The following TENM3 variants were observed in gnomAD, a reference collection of about 807,000 sequenced individuals.
TENM3 encodes teneurin transmembrane protein 3, also known as teneurin-3.
Under a neutral mutation model 255.1 loss-of-function variants are expected in TENM3, and 63 were observed. The ratio of observed to expected loss-of-function variants is 0.25; its 90% CI spans 0.20 to 0.30. TENM3 has a LOEUF of 0.30. TENM3 is among the 10% of genes least tolerant of loss of function. The probability of loss-of-function intolerance (pLI) is 1.00; values close to 1 mark genes in which losing one functional copy is unlikely to be tolerated. For synonymous variants in TENM3, 1,306 were observed against 1,322.3 expected, an observed-to-expected ratio of 0.99 and a Z score of 0.27; for missense variants, 2,929 against 3,461.1, an observed-to-expected ratio of 0.85 and a Z score of 3.86.
At chr4:182,622,982 T>C (rs1750437454) in intron 4 of TENM3, among the ~76,000 whole-genome samples, 1 of 151,812 alleles carries the variant, frequency 6.6e-6, no homozygotes, top group South Asian at 2.1e-4. Flanking sequence ...TGTTTATGTT[T>C]TTTATTTTTA....
At chr4:181,953,997 A>G in the TENM3 span, among the ~76,000 whole-genome samples, 3 of 152,200 alleles carry the variant, frequency 2.0e-5, no homozygotes, top group African/African-American at 7.2e-5. Flanking sequence ...ACTGGAAGGC[A>G]CAACTAGCGG....
rs368668174 is a variant in TENM3 at position 182,793,560 on chromosome 4, G to A, written c.6888G>A (p.Ser2296=). 195 of 1,613,708 alleles carry A rather than the reference G, an allele frequency of 1.2e-4. No homozygotes were observed. Among genetic ancestry groups the A allele is most frequent in the South Asian group, 4.5e-4 (41 of 91,070 alleles). The change falls in exon 26 of 28, where the codon TCG becomes TCA. Residue 2296 remains serine (S), a synonymous_variant. Transcript: ENST00000511685. The surrounding 1 kb of genome is among the most constrained non-coding windows in gnomAD (Gnocchi z 5.7). ...ISSGDEFYIA[S]DNTGTPLAVF... Reference sequence around the variant, plus strand: ...GTGGGGATGAATTCTATATTGCATCGGATAACACAGGGACACCACTGGCTG... The same window carrying A: ...GTGGGGATGAATTCTATATTGCATCAGATAACACAGGGACACCACTGGCTG...
At chr4:181,889,398 C>T in the TENM3 span, among the ~76,000 whole-genome samples, 1 of 152,158 alleles carries the variant, frequency 6.6e-6, no homozygotes, top group Non-Finnish European at 1.5e-5. Context: ...CAGATGCTGG[C>T]ACCACCCTGC....
At chr4:182,735,179 CT>C (rs1761068125) in intron 16 of TENM3, among the ~76,000 whole-genome samples, 1 of 152,144 alleles carries the variant, frequency 6.6e-6, no homozygotes, top group Admixed American at 6.5e-5. Flanking sequence ...TGTTTGTAAA[CT>C]ATTTTGCTTA....
intron 3 of TENM3, among the ~76,000 whole-genome samples, chr4:182,555,519 G>C (rs1427794190): frequency 6.6e-6 from 1 of 152,082 alleles, no homozygotes; most frequent in Admixed American, 6.6e-5. Context: ...GGGACCTAAA[G>C]TACATTTAAA....
intron 24 of TENM3, among the ~76,000 whole-genome samples, chr4:182,786,588 C>G (rs975812109): frequency 1.3e-5 from 2 of 151,582 alleles, no homozygotes; most frequent in African/African-American, 4.9e-5. Flanking sequence ...ATCAGATGCC[C>G]GAGCAGCATG....
At chr4:182,609,869 G>C (rs1748822162) in intron 4 of TENM3, among the ~76,000 whole-genome samples, 1 of 152,088 alleles carries the variant, frequency 6.6e-6, no homozygotes, top group African/African-American at 2.4e-5. Context: ...CAGTTTCTTT[G>C]CTTTTTATTC....
the TENM3 span, among the ~76,000 whole-genome samples, chr4:181,770,335 T>A: frequency 2.6e-5 from 4 of 152,220 alleles, no homozygotes; most frequent in South Asian, 8.3e-4. Context: ...ATGCAATTTA[T>A]TGTGGTAAGG....
At chr4:182,288,136 G>A (rs1332936903) in intron 1 of TENM3, among the ~76,000 whole-genome samples, 1 of 150,976 alleles carries the variant, frequency 6.6e-6, no homozygotes, top group Non-Finnish European at 1.5e-5. Context: ...AGATTTCTCC[G>A]TGTTGGTCAG....
In TENM3 at chr4:182,597,481, G is replaced by C. The variant is rs145169691; in HGVS notation, c.512-3443G>C. 4.4e-3 allele frequency among the ~76,000 whole-genome samples: 672 copies of C among 152,252 alleles called. 5 individuals are homozygous for C. Among genetic ancestry groups the C allele is most frequent in the African/African-American group, 0.016 (653 of 41,536 alleles). On this transcript the variant is annotated intron_variant, in intron 3 of 27. Coordinates refer to ENST00000511685, the MANE Select transcript of TENM3 (RefSeq NM_001080477.4). ...AGTAACAGAAATAAAATGAAAAATA[G>C]TAATGTTTTTCATAAGCAACCTTTC...
At chr4:182,420,267 CTTAAT>C (rs1035863570) in intron 3 of TENM3, among the ~76,000 whole-genome samples, 12 of 152,170 alleles carry the variant, frequency 7.9e-5, no homozygotes, top group African/African-American at 2.9e-4. Flanking sequence ...GAAAATTTGA[CTTAAT>C]TTAACACATT....
At chr4:182,584,267 C>T (rs1347420207) in intron 3 of TENM3, among the ~76,000 whole-genome samples, 2 of 152,188 alleles carry the variant, frequency 1.3e-5, no homozygotes, top group Admixed American at 1.3e-4. Flanking sequence ...AAACATCTTG[C>T]TGATGGGAAC....
intron 3 of TENM3, among the ~76,000 whole-genome samples, chr4:182,486,195 G>A (rs1734688553): frequency 6.6e-6 from 1 of 151,922 alleles, no homozygotes; most frequent in Non-Finnish European, 1.5e-5. Flanking sequence ...AAAGCCACTG[G>A]AAGATTTTTA....
At chr4:181,768,437 G>T in the TENM3 span, among the ~76,000 whole-genome samples, 5 of 152,130 alleles carry the variant, frequency 3.3e-5, no homozygotes, top group Non-Finnish European at 7.3e-5. Flanking sequence ...AAGCAATTCC[G>T]TCTAAAACAT....
the TENM3 span, among the ~76,000 whole-genome samples, chr4:181,533,991 G>C: frequency 6.6e-6 from 1 of 152,196 alleles, no homozygotes; most frequent in Admixed American, 6.5e-5. Flanking sequence ...AGTGAATCTA[G>C]TGAATACTCC....
chr4:182,615,042 A>AAAATAC (rs1403989160), intron 4 of TENM3, among the ~76,000 whole-genome samples: 7,198 of 57,192 alleles, frequency 0.13, 248 homozygotes, highest in Admixed American at 0.24. Context: ...AAAAAAAAAA[A>AAAATAC]ATACATATAT....
the TENM3 span, among the ~76,000 whole-genome samples, chr4:181,754,504 A>C: frequency 6.6e-6 from 1 of 152,206 alleles, no homozygotes. Context: ...AAAGATTGTG[A>C]AATGGGTCTT....
chr4:182,515,009 G>A (rs1425838078), intron 3 of TENM3, among the ~76,000 whole-genome samples: 1 of 152,184 alleles, frequency 6.6e-6, no homozygotes, highest in Non-Finnish European at 1.5e-5. Flanking sequence ...ACATTTCAAA[G>A]AGGGAATAAT....
At chr4:181,661,096 A>G in the TENM3 span, among the ~76,000 whole-genome samples, 2 of 152,320 alleles carry the variant, frequency 1.3e-5, no homozygotes, top group Admixed American at 1.3e-4. Flanking sequence ...TCTCAACAAT[A>G]TCAAGTGAAG....
Sources: gnomAD v4.1 joint callset for allele counts (sites outside exome capture counted in the v4.1 genomes callset) on GRCh38, gnomAD v4.1.1 for gene constraint, Gnocchi (gnomAD v3.1) non-coding constraint, MANE v1.5 for transcripts, NCBI Gene and HGNC (gene_info 2026-07-23, HGNC 2026-07-21) for gene names.